Variants in SCTR observed in about 807,000 individuals in gnomAD.
The protein encoded by SCTR is pancreatic secretin receptor.
In SCTR, 56 loss-of-function variants were observed where a neutral mutation model predicts 60.8. That is an observed-to-expected ratio of 0.92 (90% CI 0.74 to 1.15). SCTR has a LOEUF of 1.15. Ranked by LOEUF, SCTR falls within the 50% of genes most tolerant of loss-of-function variation. The pLI is 0.00. For missense variants in SCTR, 562 were observed against 550.4 expected (o/e 1.02, Z -0.21); for synonymous variants, 202 against 217.0 (o/e 0.93, Z 0.61).
At chr2:119,444,926 C>T (rs58421890) in intron 11 of SCTR, among the ~76,000 whole-genome samples, 23 of 2,050 alleles carry the variant, frequency 0.011, 1 homozygote, top group South Asian at 0.038. Context: ...TACGAATATA[C>T]ACATATATTC....
intron 12 of SCTR, among the ~76,000 whole-genome samples, chr2:119,441,157 A>G (rs1682643314): frequency 6.6e-6 from 1 of 152,218 alleles, no homozygotes; most frequent in African/African-American, 2.4e-5. Flanking sequence ...TGAGGCCCAG[A>G]ACAGGGCAGT....
intron 2 of SCTR, among the ~76,000 whole-genome samples, chr2:119,483,899 G>A (rs995227915): frequency 4.6e-5 from 7 of 152,004 alleles, no homozygotes; most frequent in African/African-American, 1.7e-4. Flanking sequence ...ACGGTCCCCA[G>A]GCTTTGAATG....
At chr2:119,480,134 A>G (rs895442622) in intron 2 of SCTR, among the ~76,000 whole-genome samples, 2 of 152,226 alleles carry the variant, frequency 1.3e-5, no homozygotes, top group Admixed American at 6.5e-5. Flanking sequence ...TCAGCTTTGC[A>G]TCTATTTGTA....
chr2:119,519,122 C>T (rs1679206289), intron 1 of SCTR, among the ~76,000 whole-genome samples: 1 of 152,136 alleles, frequency 6.6e-6, no homozygotes, highest in African/African-American at 2.4e-5. Flanking sequence ...CCACCACGCC[C>T]AGCTAATTTT....
intron 2 of SCTR, among the ~76,000 whole-genome samples, chr2:119,488,257 C>A (rs1244105569): frequency 6.6e-6 from 1 of 152,214 alleles, no homozygotes; most frequent in Non-Finnish European, 1.5e-5. Flanking sequence ...GCTGAGCCAC[C>A]CTTTCACCCA....
At chr2:119,472,388 C>T (rs1206682290) in intron 4 of SCTR, among the ~76,000 whole-genome samples, 2 of 152,142 alleles carry the variant, frequency 1.3e-5, no homozygotes, top group Non-Finnish European at 2.9e-5. Context: ...GGGGCAAAGG[C>T]CCAGGTGGGA....
At chr2:119,442,719 C>T (rs2104748560) in intron 11 of SCTR, among the ~76,000 whole-genome samples, 1 of 152,276 alleles carries the variant, frequency 6.6e-6, no homozygotes, top group Non-Finnish European at 1.5e-5. Flanking sequence ...TATTGCTGCA[C>T]ATTAGAATCA....
chr2:119,518,166 T>A lies in SCTR; in HGVS notation c.72+5989A>T, dbSNP rs904177646. ...CCAACCTCCAGAACCGCGAGATTAA[T>A]TTCTTTTGTTTAAGTCCCCAAGTCT... On this transcript the variant is annotated intron_variant, in intron 1 of 12. Coordinates refer to ENST00000019103, the MANE Select transcript of SCTR (RefSeq NM_002980.3). 5.9e-5 allele frequency among the ~76,000 whole-genome samples: 9 copies of A among 152,172 alleles called. 1 individual carries two copies. The highest frequency in any genetic ancestry group is 1.5e-5 in the Non-Finnish European group (1 of 68,022).
intron 2 of SCTR, among the ~76,000 whole-genome samples, chr2:119,487,606 C>A (rs971188659): frequency 6.6e-6 from 1 of 152,202 alleles, no homozygotes. Context: ...CATGGCCCTT[C>A]CACCTGCCAG....
rs1377533556 is a variant in SCTR at position 119,444,445 on chromosome 2, A to ACACG, written c.1140+2313_1140+2314insCGTG. On this transcript the variant is annotated intron_variant, in intron 11 of 12. Coordinates refer to ENST00000019103, the MANE Select transcript of SCTR (RefSeq NM_002980.3). ...TATACGTATGAATATACACATATAT[A>ACACG]TACGTACGTATATATATACACATAT... Among the ~76,000 whole-genome samples, 3 of 124,368 alleles carry ACACG rather than the reference A, an allele frequency of 2.4e-5. 1 individual carries two copies. Among genetic ancestry groups the ACACG allele is most frequent in the African/African-American group, 1.1e-4 (3 of 28,286 alleles). The allele number at this position is 124,368 out of a possible 152,430, so 81.6% of individuals were successfully genotyped here. A position where few individuals can be genotyped will look rare whatever the true frequency, so the allele number is the denominator to read the frequency against.
At chr2:119,512,913 A>G (rs911290792) in intron 1 of SCTR, among the ~76,000 whole-genome samples, 2 of 152,188 alleles carry the variant, frequency 1.3e-5, no homozygotes, top group African/African-American at 2.4e-5. Context: ...TCTTGTCTAC[A>G]TGATCTGTTT....
intron 1 of SCTR, among the ~76,000 whole-genome samples, chr2:119,502,334 T>A (rs1430684969): frequency 6.6e-6 from 1 of 152,152 alleles, no homozygotes; most frequent in African/African-American, 2.4e-5. Context: ...ATGTGCAGAA[T>A]TTATATGCTG....
At chr2:119,511,072 G>A (rs186978179) in intron 1 of SCTR, among the ~76,000 whole-genome samples, 14 of 152,012 alleles carry the variant, frequency 9.2e-5, no homozygotes, top group East Asian at 5.8e-4. Context: ...GCGTGATGGC[G>A]AGCACCTGTA....
At chr2:119,500,412 A>G (rs1678504201) in intron 1 of SCTR, among the ~76,000 whole-genome samples, 1 of 152,244 alleles carries the variant, frequency 6.6e-6, no homozygotes, top group Non-Finnish European at 1.5e-5. Flanking sequence ...TCAAAGAGAT[A>G]TATGCAGTCT....
At chr2:119,492,039 C>T (rs1678151844) in intron 2 of SCTR, among the ~76,000 whole-genome samples, 1 of 152,216 alleles carries the variant, frequency 6.6e-6, no homozygotes, top group South Asian at 2.1e-4. Context: ...TCACTGGAGA[C>T]ACTGGAGAGT....
intron 1 of SCTR, among the ~76,000 whole-genome samples, chr2:119,522,301 G>GA (rs797004076): frequency 0.012 from 1,510 of 123,630 alleles, 19 homozygotes; most frequent in African/African-American, 0.029. Flanking sequence ...TGTCTCAAAA[G>GA]AAAAAAAAAA....
chr2:119,487,234 G>T (rs934531275), intron 2 of SCTR: 5 of 152,218 alleles, frequency 3.3e-5, no homozygotes, highest in African/African-American at 1.2e-4. Flanking sequence ...GACAGAGCTG[G>T]TGGCTGCATA....
intron 7 of SCTR, among the ~76,000 whole-genome samples, chr2:119,455,628 C>T (rs1683344110): frequency 6.6e-6 from 1 of 152,112 alleles, no homozygotes; most frequent in Non-Finnish European, 1.5e-5. Context: ...CAATTAAACA[C>T]GCAATAGACG....
chr2:119,504,812 A>C (rs1441610012), intron 1 of SCTR, among the ~76,000 whole-genome samples: 1 of 152,188 alleles, frequency 6.6e-6, no homozygotes, highest in East Asian at 1.9e-4. Context: ...AATGTTTACA[A>C]ACTACATATT....
Sources: gnomAD v4.1 joint callset for allele counts (sites outside exome capture counted in the v4.1 genomes callset) on GRCh38, gnomAD v4.1.1 for gene constraint, MANE v1.5 for transcripts, NCBI Gene and HGNC (gene_info 2026-07-23, HGNC 2026-07-21) for gene names.